PDXDC1: variants seen among roughly 807,000 people sequenced by gnomAD.
PDXDC1 encodes pyridoxal-dependent decarboxylase domain-containing protein 1.
In PDXDC1, 42 loss-of-function variants were observed where a neutral mutation model predicts 100.1. The ratio of observed to expected loss-of-function variants is 0.42; its 90% CI spans 0.33 to 0.54. PDXDC1 has a LOEUF of 0.54. Among genes scored for constraint, PDXDC1 ranks in the 20% least tolerant of loss-of-function variants. PDXDC1 has a pLI of 0.10. For missense variants in PDXDC1, 636 were observed against 979.2 expected (o/e 0.65, Z 4.68); for synonymous variants, 260 against 371.7 (o/e 0.70, Z 3.46).
the PDXDC1 span, among the ~76,000 whole-genome samples, chr16:15,152,393 G>T: frequency 2.6e-5 from 3 of 114,144 alleles, no homozygotes; most frequent in African/African-American, 8.7e-5. Flanking sequence ...TCTCCCCGAG[G>T]AGGAGTTTGC....
intron 16 of PDXDC1, chr16:15,071,305 G>C (rs2045217339): frequency 6.6e-7 from 1 of 1,514,910 alleles, no homozygotes; most frequent in Non-Finnish European, 8.9e-7. Context: ...AGATAATCTG[G>C]CTATCAAAAT....
chr16:15,013,014 CA>C (rs1278987519), intron 8 of PDXDC1, among the ~76,000 whole-genome samples: 1 of 152,154 alleles, frequency 6.6e-6, no homozygotes, highest in Non-Finnish European at 1.5e-5. Flanking sequence ...ACTAAAAATA[CA>C]AAAAAATAGC....
intron 1 of PDXDC1, among the ~76,000 whole-genome samples, chr16:14,978,472 G>A (rs1357144007): frequency 3.3e-5 from 5 of 152,296 alleles, no homozygotes; most frequent in African/African-American, 7.2e-5. Context: ...TCACTGCAAC[G>A]TCCGTCTCCA....
chr16:15,084,007 C>T (rs1270765035), intron 16 of PDXDC1, among the ~76,000 whole-genome samples: 1 of 152,164 alleles, frequency 6.6e-6, no homozygotes, highest in Non-Finnish European at 1.5e-5. Flanking sequence ...TGAGCCACCG[C>T]GCCCGGCCAG....
chr16:15,058,349 C>CT (rs1051305149), intron 16 of PDXDC1, among the ~76,000 whole-genome samples: 2 of 152,058 alleles, frequency 1.3e-5, no homozygotes, highest in Non-Finnish European at 2.9e-5. Flanking sequence ...AAGCCTGTTT[C>CT]TTTAAGATAG....
At chr16:15,080,925 C>CAAA (rs2045673976) in intron 16 of PDXDC1, among the ~76,000 whole-genome samples, 1 of 151,762 alleles carries the variant, frequency 6.6e-6, no homozygotes. Context: ...TCAATGGAGT[C>CAAA]ATACACAGTT....
At chr16:15,094,200 C>T in intron 16 of PDXDC1, 5 of 1,599,424 alleles carry the variant, frequency 3.1e-6, no homozygotes, top group Non-Finnish European at 4.3e-6. Flanking sequence ...GCCGCATCTC[C>T]CGGCAAACGC....
At chr16:15,069,821 T>C (rs571247715) in intron 16 of PDXDC1, among the ~76,000 whole-genome samples, 10 of 152,336 alleles carry the variant, frequency 6.6e-5, no homozygotes, top group African/African-American at 2.2e-4. Context: ...TTTCAAACTT[T>C]CAAAGGCAGA....
rs953102055 is a variant in PDXDC1 at position 15,137,636 on chromosome 16, T to C, written c.1400-1243T>C. The C allele has an allele frequency of 1.1e-4, 151 of 1,330,108 alleles. 1 individual carries two copies. Among genetic ancestry groups the C allele is most frequent in the Admixed American group, 1.8e-4 (9 of 50,672 alleles). 82.4% of individuals were successfully genotyped at this position (1,330,108 alleles called of 1,614,324 possible). On this transcript the variant is annotated intron_variant, in intron 16 of 16. Transcript: ENST00000535621. ...GCCGCACTCACAGGCTCCCATGCTG[T>C]TCCCTTGGCCCGGAGCCCCCCCCCA...
At chr16:15,032,317 G>T in intron 17 of PDXDC1, 1 of 193,864 alleles carries the variant, frequency 5.2e-6, no homozygotes, top group Non-Finnish European at 1.1e-5. Flanking sequence ...ACCTCTTTTT[G>T]TATTGCCCAT....
At chr16:15,073,105 GT>G (rs1444892751) in intron 16 of PDXDC1, 5 of 1,600,686 alleles carry the variant, frequency 3.1e-6, no homozygotes, top group South Asian at 1.1e-5. Flanking sequence ...TGGCATCTCA[GT>G]TTTTATAAAG....
At chr16:15,130,255 C>A in intron 16 of PDXDC1, 1 of 1,547,764 alleles carries the variant, frequency 6.5e-7, no homozygotes, top group Non-Finnish European at 8.7e-7. Context: ...GCGCCGAAGG[C>A]GGTGAGGTGG....
chr16:15,044,334 TAAG>T, intron 16 of PDXDC1: 3 of 1,602,138 alleles, frequency 1.9e-6, no homozygotes, highest in East Asian at 2.2e-5. Context: ...ATGAACTTAC[TAAG>T]AAGTTGATGA....
intron 16 of PDXDC1, among the ~76,000 whole-genome samples, chr16:15,055,071 G>A (rs1389468510): frequency 6.6e-6 from 1 of 152,122 alleles, no homozygotes; most frequent in Non-Finnish European, 1.5e-5. Context: ...TGATCAGTAC[G>A]TTGCCCAACA....
Position 15,032,668 on chromosome 16 carries a change from A to AAAAAAAAAAAG in PDXDC1, c.1572-192_1572-191insAAAAAAAAAGA, listed in dbSNP as rs57542228. 1.7e-4 allele frequency: 64 copies of AAAAAAAAAAAG among 380,142 alleles called. 1 individual carries two copies. Among genetic ancestry groups the AAAAAAAAAAAG allele is most frequent in the East Asian group, 3.5e-4 (6 of 17,248 alleles). The allele number at this position is 380,142 out of a possible 1,614,324, so 23.5% of individuals were successfully genotyped here. A position where few individuals can be genotyped will look rare whatever the true frequency, so the allele number is the denominator to read the frequency against. ...GACCCTGCTTTAAAAAAAAAAAAAA[A>AAAAAAAAAAAG]AGGCTTTCCTGTGACTTTCTCTTTA... On this transcript the variant is annotated intron_variant, in intron 17 of 22. Transcript: ENST00000396410.
At chr16:15,008,595 CTT>C (rs10717385) in intron 6 of PDXDC1, among the ~76,000 whole-genome samples, 182 bp from the exon 7 acceptor site, 53 of 144,618 alleles carry the variant, frequency 3.7e-4, no homozygotes, top group African/African-American at 6.4e-4. Context: ...GAAATTCACC[CTT>C]TTTTTTTTTT....
chr16:15,135,384 T>C lies in PDXDC1; in HGVS notation c.1400-3495T>C, dbSNP rs576636382. 3.2e-3 allele frequency: 4,911 copies of C among 1,512,062 alleles called. 13 individuals are homozygous for C. Among genetic ancestry groups the C allele is most frequent in the Non-Finnish European group, 4.2e-3 (4,748 of 1,118,420 alleles). The allele number at this position is 1,512,062 out of a possible 1,614,324, so 93.7% of individuals were successfully genotyped here. ...CGTTCCCGTGGAATGGTGACCGTGC[T>C]GCTCCCGCGGGGCCCAAAGTTCAGC... On this transcript the variant is annotated intron_variant, in intron 16 of 16. Coordinates refer to the PDXDC1 transcript ENST00000535621.
chr16:15,044,282 T>C (rs2043953019), intron 16 of PDXDC1: 1 of 1,252,088 alleles, frequency 8.0e-7, no homozygotes, highest in Admixed American at 1.7e-5. Flanking sequence ...CAAGCAAATA[T>C]GGGTACATAT....
chr16:15,095,433 C>A (rs1055618451), intron 16 of PDXDC1, among the ~76,000 whole-genome samples: 2 of 152,162 alleles, frequency 1.3e-5, no homozygotes, highest in African/African-American at 4.8e-5. Context: ...TGGTGGCACA[C>A]ACCTGTAGTC....
Sources: allele counts gnomAD v4.1 joint callset (sites outside exome capture counted in the v4.1 genomes callset), GRCh38; gene constraint gnomAD v4.1.1; transcripts MANE v1.5; gene names NCBI Gene and HGNC (gene_info 2026-07-23, HGNC 2026-07-21).